Variants in CAMK1D observed in about 807,000 individuals in gnomAD.
CAMK1D encodes the protein calcium/calmodulin-dependent protein kinase type 1D.
CAMK1D carries 9 observed loss-of-function variants against 47.7 expected under a neutral mutation model. That is an observed-to-expected ratio of 0.19 (90% CI 0.11 to 0.33). The LOEUF (loss-of-function observed/expected upper bound fraction) is 0.33, where lower values mean the gene tolerates loss of function less well. CAMK1D is among the 10% of genes least tolerant of loss of function. The pLI is 1.00. For missense variants in CAMK1D, 291 were observed against 488.7 expected, an observed-to-expected ratio of 0.60 and a Z score of 3.81; for synonymous variants, 184 against 184.9, an observed-to-expected ratio of 0.99 and a Z score of 0.04.
chr10:12,767,089 A>C (rs1015056665), intron 4 of CAMK1D, among the ~76,000 whole-genome samples: 1 of 152,220 alleles, frequency 6.6e-6, no homozygotes, highest in Non-Finnish European at 1.5e-5. Flanking sequence ...TCTGCTGCAC[A>C]ACAGGCCGAG....
intron 1 of CAMK1D, among the ~76,000 whole-genome samples, chr10:12,415,017 TG>T (rs1839794123): frequency 6.6e-6 from 1 of 152,196 alleles, no homozygotes; most frequent in Non-Finnish European, 1.5e-5. Context: ...AGATCCGTTA[TG>T]TTTCCCAGTT....
intron 1 of CAMK1D, among the ~76,000 whole-genome samples, chr10:12,399,784 A>T (rs976173949): frequency 6.6e-6 from 1 of 152,228 alleles, no homozygotes; most frequent in Non-Finnish European, 1.5e-5. Context: ...AGAAGTGTCT[A>T]GTGTTCCTAA....
At chr10:12,791,121 A>T (rs1195643257) in intron 5 of CAMK1D, 37 bp from the exon 6 acceptor site, 1 of 1,604,276 alleles carries the variant, frequency 6.2e-7, no homozygotes, top group Non-Finnish European at 8.5e-7. Context: ...GAGGCATGTA[A>T]ATTGTCAGGC....
At chr10:12,602,216 A>G (rs935666392) in intron 2 of CAMK1D, among the ~76,000 whole-genome samples, 2 of 152,082 alleles carry the variant, frequency 1.3e-5, no homozygotes, top group East Asian at 1.9e-4. Flanking sequence ...TCTACTCACA[A>G]TCTTTTATTT....
intron 1 of CAMK1D, among the ~76,000 whole-genome samples, chr10:12,429,324 C>T (rs1370456686): frequency 1.3e-5 from 2 of 151,828 alleles, no homozygotes; most frequent in South Asian, 2.1e-4. Context: ...TGCTCTCTTC[C>T]CCTTCCCCAT....
chr10:12,462,254 C>T (rs1201699941), intron 1 of CAMK1D, among the ~76,000 whole-genome samples: 3 of 150,684 alleles, frequency 2.0e-5, no homozygotes, highest in African/African-American at 7.3e-5. Flanking sequence ...CAACCTTCGC[C>T]TCCCAGGTTC....
At chr10:12,523,508 C>T (rs1198320970) in intron 1 of CAMK1D, among the ~76,000 whole-genome samples, 10 of 151,894 alleles carry the variant, frequency 6.6e-5, no homozygotes, top group Admixed American at 5.2e-4. Context: ...CTCGGGAGGC[C>T]GAGGCTGGCG....
chr10:12,515,264 C>T (rs951824081), intron 1 of CAMK1D, among the ~76,000 whole-genome samples: 16 of 152,048 alleles, frequency 1.1e-4, no homozygotes, highest in Non-Finnish European at 1.8e-4. Flanking sequence ...CATATTACCA[C>T]CACCACAATC....
chr10:12,595,410 G>C (rs76559070), intron 2 of CAMK1D, among the ~76,000 whole-genome samples: 1 of 144,658 alleles, frequency 6.9e-6, no homozygotes, highest in African/African-American at 2.6e-5. Context: ...CTAGGAACTT[G>C]AGGAATTATC....
intron 1 of CAMK1D, among the ~76,000 whole-genome samples, chr10:12,502,436 G>A (rs2768445): frequency 0.78 from 118,579 of 152,002 alleles, 46,465 homozygotes; most frequent in East Asian, 0.98. Flanking sequence ...TGTGGGCAGC[G>A]CTGGGTTCAA....
rs781382028 is a variant in CAMK1D at position 12,552,402 on chromosome 10, C to T, written c.93-823C>T. On this transcript the variant is annotated intron_variant, in intron 1 of 10. Transcript: ENST00000619168. Reference sequence around the variant, plus strand: ...CCTGTGTCTGTACCACCTGCAATACCGCTCACACCCAGTCCTATCCTTACC... The same window carrying T: ...CCTGTGTCTGTACCACCTGCAATACTGCTCACACCCAGTCCTATCCTTACC... 1.1e-4 allele frequency among the ~76,000 whole-genome samples: 17 copies of T among 152,166 alleles called. No homozygotes were observed. The East Asian group carries it at 2.3e-3, about 21-fold the overall frequency.
In CAMK1D at chr10:12,679,841, G is replaced by C. The variant is rs144521873; in HGVS notation, c.299+13031G>C. Among the ~76,000 whole-genome samples the C allele has an allele frequency of 2.4e-3, 361 of 152,234 alleles. 4 individuals carry two copies. The highest frequency in any genetic ancestry group is 8.1e-3 in the African/African-American group (338 of 41,536). On this transcript the variant is annotated intron_variant, in intron 3 of 10. Transcript: ENST00000619168. ...CCCAGCACCCGGGCATATCCCCCTG[G>C]CTAATTCTCCATCATCCTCTCCTCA...
At chr10:12,577,001 C>A (rs913243165) in intron 2 of CAMK1D, among the ~76,000 whole-genome samples, 1 of 152,180 alleles carries the variant, frequency 6.6e-6, no homozygotes, top group African/African-American at 2.4e-5. Context: ...GGAGAGAGGC[C>A]GTGGAACCAG....
chr10:12,717,017 T>A (rs1834168461), intron 3 of CAMK1D, among the ~76,000 whole-genome samples: 1 of 152,236 alleles, frequency 6.6e-6, no homozygotes, highest in African/African-American at 2.4e-5. Flanking sequence ...AATGTATTGG[T>A]CAGTGTTAAA....
chr10:12,620,813 T>A (rs1838975660), intron 2 of CAMK1D, among the ~76,000 whole-genome samples: 3 of 152,242 alleles, frequency 2.0e-5, no homozygotes, highest in Admixed American at 2.0e-4. Context: ...TACAGGATGC[T>A]TTTGGTTTCA....
chr10:12,678,033 GA>G (rs35591455), intron 3 of CAMK1D, among the ~76,000 whole-genome samples: 1 of 150,548 alleles, frequency 6.6e-6, no homozygotes, highest in African/African-American at 2.4e-5. Flanking sequence ...AGAAGATAAA[GA>G]AAAAAAAAGG....
intron 1 of CAMK1D, among the ~76,000 whole-genome samples, chr10:12,371,611 T>G (rs145209005): frequency 1.0e-4 from 15 of 150,006 alleles, no homozygotes; most frequent in African/African-American, 2.2e-4. Context: ...AAAAAAAACT[T>G]TTTTGGCTAG....
chr10:12,589,064 C>T (rs1390561241), intron 2 of CAMK1D, among the ~76,000 whole-genome samples: 3 of 151,962 alleles, frequency 2.0e-5, no homozygotes, highest in Non-Finnish European at 4.4e-5. Flanking sequence ...TGCAGTGGTG[C>T]TATCTCAGCT....
intron 3 of CAMK1D, among the ~76,000 whole-genome samples, chr10:12,700,223 G>C (rs1179139176): frequency 1.3e-5 from 2 of 152,142 alleles, no homozygotes; most frequent in Non-Finnish European, 2.9e-5. Flanking sequence ...CCAGAAACTA[G>C]GTAATTTATA....
Sources: allele counts gnomAD v4.1 joint callset (sites outside exome capture counted in the v4.1 genomes callset), GRCh38; gene constraint gnomAD v4.1.1; transcripts MANE v1.5; gene names NCBI Gene and HGNC (gene_info 2026-07-23, HGNC 2026-07-21).